Variants in ACTL8 observed in about 807,000 individuals in gnomAD.
ACTL8 encodes actin like 8, also known as actin-like protein 8.
In ACTL8, 3 loss-of-function variants were observed where a neutral mutation model predicts 9.3. That is an observed-to-expected ratio of 0.32 (90% CI 0.15 to 0.83). The LOEUF (loss-of-function observed/expected upper bound fraction) is 0.83, where lower values mean the gene tolerates loss of function less well. Ranked by LOEUF, ACTL8 falls within the 40% of genes least tolerant of loss-of-function variation. The pLI is 0.57. For missense variants in ACTL8, 381 were observed against 492.2 expected, an observed-to-expected ratio of 0.77 and a Z score of 2.14; for synonymous variants, 224 against 205.9, an observed-to-expected ratio of 1.09 and a Z score of -0.75.
intron 1 of ACTL8, among the ~76,000 whole-genome samples, chr1:17,759,437 A>G (rs1044315983): frequency 1.3e-5 from 2 of 152,244 alleles, no homozygotes; most frequent in Non-Finnish European, 2.9e-5. Flanking sequence ...GCCTCTGGTG[A>G]GACACCTCCT....
At chr1:17,758,794 C>T (rs557860929) in intron 1 of ACTL8, among the ~76,000 whole-genome samples, 94 of 152,232 alleles carry the variant, frequency 6.2e-4, no homozygotes, top group African/African-American at 2.1e-3. Flanking sequence ...ATGCCCACCC[C>T]GAAGTTATTT....
At chr1:17,776,641 G>C (rs944231766) in intron 1 of ACTL8, among the ~76,000 whole-genome samples, 3 of 152,106 alleles carry the variant, frequency 2.0e-5, no homozygotes, top group Non-Finnish European at 2.9e-5. Flanking sequence ...CCCAGGCAGA[G>C]TCAGTGGCCA....
intron 1 of ACTL8, among the ~76,000 whole-genome samples, chr1:17,816,021 T>C (rs189553049): frequency 6.6e-6 from 1 of 152,312 alleles, no homozygotes; most frequent in Admixed American, 6.5e-5. Context: ...CATGTTATAA[T>C]TTATGAATAC....
At chr1:17,785,321 C>T (rs2066188876) in intron 1 of ACTL8, among the ~76,000 whole-genome samples, 1 of 152,204 alleles carries the variant, frequency 6.6e-6, no homozygotes, top group African/African-American at 2.4e-5. Context: ...CCCCATTTGC[C>T]CAATCAGCAG....
chr1:17,756,791 A>T (rs528517045), intron 1 of ACTL8, among the ~76,000 whole-genome samples: 1 of 152,264 alleles, frequency 6.6e-6, no homozygotes, highest in East Asian at 1.9e-4. Flanking sequence ...ACATTATATG[A>T]GTCTATCATT....
At chr1:17,791,329 A>G (rs909398175) in intron 1 of ACTL8, among the ~76,000 whole-genome samples, 1 of 151,688 alleles carries the variant, frequency 6.6e-6, no homozygotes, top group Non-Finnish European at 1.5e-5. Flanking sequence ...CGCTGCTGCC[A>G]TCACCTTGAT....
chr1:17,761,588 T>G (rs754214464), intron 1 of ACTL8, among the ~76,000 whole-genome samples: 3 of 152,020 alleles, frequency 2.0e-5, no homozygotes, highest in Non-Finnish European at 2.9e-5. Context: ...GTTTTTTTTT[T>G]GGGACTGAGT....
rs774100741 is a variant in ACTL8, at chr1:17,825,961, C to T, written c.543C>T (p.Ser181=). ...TGGAGTTCGCCGGCCAGGATCTCTC[C>T]GCCTATCTCCTCAAGAGTCTCTTTA... ...KTLEFAGQDL[S]AYLLKSLFKE... The change falls in exon 3 of 3, where the codon TCC becomes TCT. Residue 181 remains serine (S), a synonymous_variant. Transcript: ENST00000375406. 3.5e-5 allele frequency: 56 copies of T among 1,610,376 alleles called. No homozygotes were observed. In the Middle Eastern group the frequency reaches 9.9e-4, roughly 28 times the overall value.
intron 1 of ACTL8, among the ~76,000 whole-genome samples, chr1:17,791,504 G>A (rs1012044158): frequency 3.9e-5 from 6 of 152,334 alleles, no homozygotes; most frequent in African/African-American, 1.2e-4. Context: ...CACCACCCCA[G>A]CAGCAATTTC....
intron 1 of ACTL8, among the ~76,000 whole-genome samples, chr1:17,768,082 C>T (rs1410137392): frequency 1.3e-5 from 2 of 150,746 alleles, no homozygotes; most frequent in Non-Finnish European, 2.9e-5. Flanking sequence ...AAGGAATCAT[C>T]AGAAGGAAAC....
chr1:17,766,904 C>G (rs1034206627), intron 1 of ACTL8, among the ~76,000 whole-genome samples: 4 of 152,126 alleles, frequency 2.6e-5, no homozygotes, highest in African/African-American at 9.7e-5. Context: ...ATGTACTGAC[C>G]ATTGTTCTAG....
chr1:17,823,343 A>C lies in ACTL8; in HGVS notation c.335A>C (p.Lys112Thr), dbSNP rs1402612543. The change falls in exon 2 of 3, where the codon AAG (lysine) becomes ACG (threonine). Residue 112 changes from lysine (K) to threonine (T), a missense_variant. Transcript: ENST00000375406. This position sits in a 1 kb window ranked among gnomAD's most constrained non-coding sequence, Gnocchi z 5.3. Reference sequence around the variant, plus strand: ...CCCTTGAGGGAGCCTGCGGACCGAAAGAAGATGCTGGAGGTGAGGCCTGCC... The same window carrying C: ...CCCTTGAGGGAGCCTGCGGACCGAACGAAGATGCTGGAGGTGAGGCCTGCC... The part of the protein sequence containing the change: ...ETPLREPADR[K>T]KMLEILFELL... The C allele has an allele frequency of 6.2e-7, 1 of 1,612,894 alleles. No homozygotes were observed. The highest frequency in any genetic ancestry group is 8.5e-7 in the Non-Finnish European group (1 of 1,179,396).
intron 1 of ACTL8, among the ~76,000 whole-genome samples, chr1:17,801,399 T>C (rs2066321700): frequency 6.6e-6 from 1 of 152,198 alleles, no homozygotes; most frequent in South Asian, 2.1e-4. Context: ...ATCTGAGAAA[T>C]ATACGTTGAT....
At chr1:17,761,241 G>A (rs2066000210) in intron 1 of ACTL8, among the ~76,000 whole-genome samples, 1 of 151,896 alleles carries the variant, frequency 6.6e-6, no homozygotes. Context: ...AAAGTGCTGG[G>A]ATTACAGGTG....
chr1:17,791,243 G>C (rs2066237444), intron 1 of ACTL8, among the ~76,000 whole-genome samples: 1 of 152,180 alleles, frequency 6.6e-6, no homozygotes, highest in South Asian at 2.1e-4. Flanking sequence ...GCTCCCGCCA[G>C]CTCCACGGAG....
In ACTL8 at chr1:17,767,131, A is replaced by G. The variant is rs1472411597; in HGVS notation, c.-25+11627A>G. 1.3e-5 allele frequency among the ~76,000 whole-genome samples: 2 copies of G among 152,176 alleles called. No individual in the cohort carries two copies. On this transcript the variant is annotated intron_variant, in intron 1 of 2. Transcript: ENST00000375406. This position sits in a 1 kb window ranked among gnomAD's most constrained non-coding sequence, Gnocchi z 4.7. ...GAAGCAGACACCTGAGGGGGAAGCG[A>G]GACGGGTGAGCATCATGAAGAAGGG...
chr1:17,825,539 T>A (rs2053707692), intron 2 of ACTL8, among the ~76,000 whole-genome samples: 1 of 152,150 alleles, frequency 6.6e-6, no homozygotes, highest in Admixed American at 6.5e-5. Context: ...ACCGAAGTGG[T>A]CTTCTGAACA....
chr1:17,823,743 CAAAA>C lies in ACTL8; in HGVS notation c.348+391_348+394del, dbSNP rs770685830. Among the ~76,000 whole-genome samples, 97 of 151,962 alleles carry C rather than the reference CAAAA, an allele frequency of 6.4e-4. No homozygotes were observed. The highest frequency in any genetic ancestry group is 1.6e-3 in the Admixed American group (25 of 15,242). On this transcript the variant is annotated intron_variant, in intron 2 of 2. Coordinates refer to ENST00000375406, the MANE Select transcript of ACTL8 (RefSeq NM_030812.3). The surrounding 1 kb of genome is among the most constrained non-coding windows in gnomAD (Gnocchi z 5.3). The stretch of plus-strand genomic sequence containing the variant: ...GCCCTGTCTCAAAAAAACAAACAAA[CAAAA>C]AAACCCAACAGAAACCAACAAATTG...
rs2053686937 is a variant in ACTL8, at chr1:17,823,862, C to T, written c.348+506C>T. Among the ~76,000 whole-genome samples the T allele has an allele frequency of 6.6e-6, 1 of 152,190 alleles. No homozygotes were observed. The highest frequency in any genetic ancestry group is 2.4e-5 in the African/African-American group (1 of 41,444). Reference sequence around the variant, plus strand: ...GAGGCCCCACCTGCAGACGGACATGCAGCAACCAACGTGCTTGGTGGAAAG... The same window carrying T: ...GAGGCCCCACCTGCAGACGGACATGTAGCAACCAACGTGCTTGGTGGAAAG... On this transcript the variant is annotated intron_variant, in intron 2 of 2. Coordinates refer to ENST00000375406, the MANE Select transcript of ACTL8 (RefSeq NM_030812.3). The surrounding 1 kb of genome is among the most constrained non-coding windows in gnomAD (Gnocchi z 5.3).
Sources: gnomAD v4.1 joint callset for allele counts (sites outside exome capture counted in the v4.1 genomes callset) on GRCh38, gnomAD v4.1.1 for gene constraint, Gnocchi (gnomAD v3.1) non-coding constraint, MANE v1.5 for transcripts, NCBI Gene and HGNC (gene_info 2026-07-23, HGNC 2026-07-21) for gene names.